TAF6L: variants seen among roughly 807,000 people sequenced by gnomAD.
The protein encoded by TAF6L is TAF6-like RNA polymerase II p300/CBP-associated factor-associated factor 65 kDa subunit 6L.
TAF6L carries 34 observed loss-of-function variants against 57.3 expected under a neutral mutation model. That is an observed-to-expected ratio of 0.59 (90% CI 0.45 to 0.79). The LOEUF is 0.79. TAF6L is among the 30% of genes least tolerant of loss of function. The pLI is 0.00. For missense variants in TAF6L, 782 were observed against 853.2 expected, an observed-to-expected ratio of 0.92 and a Z score of 1.04; for synonymous variants, 417 against 376.3, an observed-to-expected ratio of 1.11 and a Z score of -1.25.
chr11:62,775,686 A>C, intron 1 of TAF6L, 85 bp from the exon 2 acceptor site: 1 of 1,434,178 alleles, frequency 7.0e-7, no homozygotes, highest in Non-Finnish European at 9.3e-7. Flanking sequence ...ACGAGCAGCA[A>C]GGCTGGTGTG....
At chr11:62,774,589 G>A in intron 1 of TAF6L, 2 of 454,774 alleles carry the variant, frequency 4.4e-6, no homozygotes, top group Middle Eastern at 5.4e-4. Context: ...GCGCACGGGA[G>A]CCTACCTTCT....
Position 62,775,606 on chromosome 11 carries a change from C to CT in TAF6L, c.-13-164dup. 4.3e-6 allele frequency: 3 copies of CT among 694,762 alleles called. No individual in the cohort carries two copies. In the South Asian group the frequency reaches 6.1e-5, roughly 14 times the overall value. 43.0% of individuals were successfully genotyped at this position (694,762 alleles called of 1,614,324 possible). ...CACCGTTCTTGACCCACTGGCCAGT[C>CT]TGTTTCCTTCTCTGAGCCTCACTTT... is the stretch of plus-strand genomic sequence containing the variant. On this transcript the variant is annotated intron_variant, in intron 1 of 10. Transcript: ENST00000294168.
rs781258697 is a variant in TAF6L, at chr11:62,786,510, C to T, written c.1090-7C>T. The T allele has an allele frequency of 3.8e-6, 6 of 1,561,200 alleles. No individual in the cohort carries two copies. In the East Asian group the frequency reaches 6.8e-5, roughly 18 times the overall value. On this transcript the variant is annotated splice_region_variant and splice_polypyrimidine_tract_variant and intron_variant, in intron 10 of 10. Coordinates refer to ENST00000294168, the MANE Select transcript of TAF6L (RefSeq NM_006473.4). ...TTTTTGCCTATCTTAGTCCTTGGCT[C>T]TTACAGGTGGCGGTAGAGCGACTGC...
rs780648250 is a variant in TAF6L, at chr11:62,782,229, T to C, written c.723T>C (p.Ser241=). ...CCTATGTCCGCTGTCTGGTGGGCAG[T>C]GTCCTCTACTGTGTCCTGGAGCCAC... ...LGPYVRCLVG[S]VLYCVLEPLA... Residue 241 remains serine, a synonymous_variant, in exon 8 of 11, where the codon AGT becomes AGC. Transcript: ENST00000294168. 1.2e-6 allele frequency: 2 copies of C among 1,614,236 alleles called. No homozygotes were observed. The highest frequency in any genetic ancestry group is 1.7e-6 in the Non-Finnish European group (2 of 1,180,052).
rs1421918711 is a variant in TAF6L, at chr11:62,786,913, C to T, written c.1486C>T (p.Pro496Ser). 6 of 1,504,832 alleles carry T rather than the reference C, an allele frequency of 4.0e-6. No individual in the cohort carries two copies. Among genetic ancestry groups the T allele is most frequent in the Admixed American group, 4.4e-5 (2 of 45,560 alleles). The allele number at this position is 1,504,832 out of a possible 1,614,324, so 93.2% of individuals were successfully genotyped here. ...PQLTASAIVSPHGDESPRGSG... is the reference protein window; with the variant it reads ...PQLTASAIVSSHGDESPRGSG... ...GCTGACGGCAAGCGCCATAGTCAGCCCGCACGGCGACGAGAGCCCCCGGGG... is the reference window on the plus strand; with the variant it reads ...GCTGACGGCAAGCGCCATAGTCAGCTCGCACGGCGACGAGAGCCCCCGGGG... Residue 496 changes from proline to serine, a missense_variant, in exon 11 of 11, where the codon CCG becomes TCG. Physicochemically the swap from Pro to Ser is moderately conservative, Grantham distance 74 (BLOSUM62 -1). This residue lies in a region of TAF6L where 483 missense variants were observed against 445.1 expected (regional missense o/e 1.09). Transcript: ENST00000294168.
At chr11:62,774,366 G>A (rs1315087634) in intron 1 of TAF6L, among the ~76,000 whole-genome samples, 1 of 152,182 alleles carries the variant, frequency 6.6e-6, no homozygotes, top group African/African-American at 2.4e-5. Flanking sequence ...GTGAGCCACC[G>A]CGCCCGGCCC....
In TAF6L at chr11:62,782,277, G is replaced by A; in HGVS notation, c.771G>A (p.Leu257=). The A allele has an allele frequency of 6.2e-7, 1 of 1,614,194 alleles. No homozygotes were observed. The highest frequency in any genetic ancestry group is 8.5e-7 in the Non-Finnish European group (1 of 1,180,044). The change falls in exon 8 of 11, where the codon CTG becomes CTA. Residue 257 remains leucine, a synonymous_variant. Transcript: ENST00000294168. Reference sequence around the variant, plus strand: ...CACTGGCTGCCTCCATCAACCCCCTGAATGACCACTGGACTCTGCGGGATG... The same window carrying A: ...CACTGGCTGCCTCCATCAACCCCCTAAATGACCACTGGACTCTGCGGGATG... ...LEPLAASINP[L]NDHWTLRDGA... is the part of the protein sequence containing the mutation.
At chr11:62,781,445 G>C (rs2084228822) in intron 6 of TAF6L, among the ~76,000 whole-genome samples, 1 of 151,970 alleles carries the variant, frequency 6.6e-6, no homozygotes, top group South Asian at 2.1e-4. Context: ...AGGCTGAGGT[G>C]GGCAGATCAC....
chr11:62,787,323 A>G lies in TAF6L; in HGVS notation c.*27A>G. 1.3e-6 allele frequency: 2 copies of G among 1,524,978 alleles called. No individual in the cohort carries two copies. Among genetic ancestry groups the G allele is most frequent in the Non-Finnish European group, 1.7e-6 (2 of 1,142,892 alleles). The allele number at this position is 1,524,978 out of a possible 1,614,324, so 94.5% of individuals were successfully genotyped here. ...TCAGTGGCCCCTTCGTTCCTTGTAA[A>G]TAAATCCCGCCCCCGGAAATGACGT... On this transcript the variant is annotated 3_prime_UTR_variant, in exon 11 of 11. Coordinates refer to ENST00000294168, the MANE Select transcript of TAF6L (RefSeq NM_006473.4).
At chr11:62,784,140 C>T (rs2084252436) in intron 9 of TAF6L, among the ~76,000 whole-genome samples, 1 of 146,054 alleles carries the variant, frequency 6.8e-6, no homozygotes, top group African/African-American at 2.5e-5. Context: ...CAGGCACGCA[C>T]CACCAGGGCC....
At chr11:62,774,239 G>A (rs2084169488) in intron 1 of TAF6L, among the ~76,000 whole-genome samples, 1 of 152,090 alleles carries the variant, frequency 6.6e-6, no homozygotes, top group South Asian at 2.1e-4. Flanking sequence ...ACCAAGCCCA[G>A]CTAATTTTTT....
intron 6 of TAF6L, among the ~76,000 whole-genome samples, chr11:62,780,668 G>A (rs1296972428): frequency 6.6e-6 from 1 of 152,058 alleles, no homozygotes; most frequent in African/African-American, 2.4e-5. Flanking sequence ...GGTGGTTCAC[G>A]CCTGTAATCC....
Position 62,787,225 on chromosome 11 carries a change from A to G in TAF6L, c.1798A>G (p.Met600Val), listed in dbSNP as rs2084291447. The G allele has an allele frequency of 3.8e-6, 6 of 1,581,400 alleles. No individual in the cohort carries two copies. The highest frequency in any genetic ancestry group is 2.2e-5 in the South Asian group (2 of 89,692). Residue 600 changes from methionine to valine, a missense_variant, in exon 11 of 11, where the codon ATG (methionine) becomes GTG (valine). Transcript: ENST00000294168. ...CTCGCGCTACGTGCAGAAACTGCCC[A>G]TGATCGGCCGTACCAGCCGCCCCGC... ...PASRYVQKLP[M>V]IGRTSRPARR...
intron 9 of TAF6L, among the ~76,000 whole-genome samples, chr11:62,785,234 C>G (rs1033600993): frequency 6.6e-6 from 1 of 151,860 alleles, no homozygotes; most frequent in African/African-American, 2.4e-5. Context: ...CACTGTCACC[C>G]AGGCTGGAGT....
intron 1 of TAF6L, among the ~76,000 whole-genome samples, chr11:62,774,862 T>C (rs368063201): frequency 7.0e-6 from 1 of 142,256 alleles, no homozygotes; most frequent in Non-Finnish European, 1.5e-5. Context: ...GGCAGGAGAG[T>C]TGGGGGCAAC....
At chr11:62,778,816 C>T in intron 5 of TAF6L, 53 bp from the exon 6 acceptor site, 3 of 1,497,804 alleles carry the variant, frequency 2.0e-6, no homozygotes, top group Non-Finnish European at 1.9e-6. Context: ...CTGGAGAGGC[C>T]AGGAGAGGGC....
rs371673867 is a variant in TAF6L at position 62,774,926 on chromosome 11, G to A, written c.-13-845G>A. Among the ~76,000 whole-genome samples the A allele has an allele frequency of 1.5e-4, 22 of 151,474 alleles. No homozygotes were observed. The South Asian group carries it at 4.2e-3, about 29-fold the overall frequency. On this transcript the variant is annotated intron_variant, in intron 1 of 10. Transcript: ENST00000294168. ...AAAAAAAAAATTTAGCCATCCGGGC[G>A]TGGTGGCAGGTACCTGTAATCCCAG...
At chr11:62,776,494 G>C in intron 3 of TAF6L, 24 bp downstream of exon 3, 1 of 1,610,732 alleles carries the variant, frequency 6.2e-7, no homozygotes, top group Non-Finnish European at 8.5e-7. Context: ...AGGCTACAGA[G>C]GGCTCAGGTG....
At chr11:62,781,760 T>C (rs566644017) in intron 6 of TAF6L, 134 bp from the exon 7 acceptor site, 7 of 776,614 alleles carry the variant, frequency 9.0e-6, no homozygotes, top group East Asian at 5.4e-5. Context: ...AGAAATAGAA[T>C]TGCTAGATCA....
Sources: allele counts gnomAD v4.1 joint callset (sites outside exome capture counted in the v4.1 genomes callset), GRCh38; gene constraint gnomAD v4.1.1; regional missense constraint gnomAD v4.1.1; transcripts MANE v1.5; gene names NCBI Gene and HGNC (gene_info 2026-07-23, HGNC 2026-07-21).